C2CD2: variants seen among roughly 807,000 people sequenced by gnomAD.
C2CD2 encodes the protein C2 calcium dependent domain containing 2.
Under a neutral mutation model 74.3 loss-of-function variants are expected in C2CD2, and 43 were observed. The observed-to-expected ratio is 0.58, with a 90% CI of 0.45 to 0.75. The LOEUF (loss-of-function observed/expected upper bound fraction) is 0.75. Ranked by LOEUF, C2CD2 falls within the 30% of genes least tolerant of loss-of-function variation. The pLI, the probability that C2CD2 is intolerant of heterozygous loss-of-function variation, is 0.00. For missense variants in C2CD2, 801 were observed against 916.3 expected, an observed-to-expected ratio of 0.87 and a Z score of 1.63; for synonymous variants, 422 against 390.7, an observed-to-expected ratio of 1.08 and a Z score of -0.94.
intron 10 of C2CD2, 27 bp from the exon 11 acceptor site, chr21:41,905,864 A>G (rs384749): frequency 0.12 from 153,849 of 1,301,534 alleles, 16,161 homozygotes; most frequent in African/African-American, 0.49. Flanking sequence ...CTGATTACAA[A>G]AGCGGCCCCG....
chr21:41,925,004 A>C (rs1601588342), intron 2 of C2CD2, among the ~76,000 whole-genome samples: 1 of 152,302 alleles, frequency 6.6e-6, no homozygotes, highest in African/African-American at 2.4e-5. Flanking sequence ...TAATCACTGA[A>C]GCCCCATCAC....
At chr21:41,902,282 T>C (rs1027336215) in intron 11 of C2CD2, among the ~76,000 whole-genome samples, 13 of 152,128 alleles carry the variant, frequency 8.5e-5, no homozygotes, top group Admixed American at 5.2e-4. Context: ...CCTAAATACA[T>C]AGAATAGTAA....
At chr21:41,909,805 G>A (rs2065005641) in intron 7 of C2CD2, among the ~76,000 whole-genome samples, 2 of 152,124 alleles carry the variant, frequency 1.3e-5, no homozygotes, top group Non-Finnish European at 2.9e-5. Flanking sequence ...CGGAGCACTG[G>A]AGAGGTGGCC....
At position 41,914,641 on chromosome 21, in the gene C2CD2, C is replaced by T. The variant is rs769016978; in HGVS notation, c.801G>A (p.Val267=). 1.9e-6 allele frequency: 3 copies of T among 1,613,992 alleles called. No individual in the cohort carries two copies. Among genetic ancestry groups the T allele is most frequent in the Non-Finnish European group, 2.5e-6 (3 of 1,179,886 alleles). The part of the protein sequence containing the change: ...PPRAHELKLL[V]RNIHVLLLSE... ...TGAGCAGCAAGACGTGGATGTTCCT[C>T]ACCAGTAGCTTCAGCTCGTGAGCCC... is the stretch of plus-strand genomic sequence containing the variant. The change falls in exon 6 of 14, where the codon GTG becomes GTA. Residue 267 remains valine, a synonymous_variant. Coordinates refer to ENST00000380486, the MANE Select transcript of C2CD2 (RefSeq NM_015500.2).
At chr21:41,901,175 G>A (rs1405748005) in intron 12 of C2CD2, 2 of 261,148 alleles carry the variant, frequency 7.7e-6, no homozygotes, top group Non-Finnish European at 7.5e-6. Context: ...GGTGTCCACG[G>A]GGGACACTAC....
chr21:41,947,218 C>T (rs897203534), intron 1 of C2CD2, among the ~76,000 whole-genome samples: 1 of 142,932 alleles, frequency 7.0e-6, no homozygotes, highest in South Asian at 2.4e-4. Context: ...AGTGCAATGG[C>T]GCGATCTCGG....
intron 2 of C2CD2, among the ~76,000 whole-genome samples, chr21:41,941,452 T>C (rs1015896157): frequency 2.6e-5 from 4 of 152,242 alleles, no homozygotes; most frequent in African/African-American, 9.6e-5. Flanking sequence ...ACCAGTCTAG[T>C]AAGTGGAGCA....
intron 1 of C2CD2, among the ~76,000 whole-genome samples, chr21:41,952,752 C>T: frequency 6.6e-6 from 1 of 152,236 alleles, no homozygotes; most frequent in East Asian, 1.9e-4. Flanking sequence ...ACTGGGCAGG[C>T]TGCTTGCCCT....
Position 41,899,890 on chromosome 21 carries a change from G to A in C2CD2, c.1561-528C>T, listed in dbSNP as rs1407589272. On this transcript the variant is annotated intron_variant, in intron 12 of 13. Coordinates refer to ENST00000380486, the MANE Select transcript of C2CD2 (RefSeq NM_015500.2). This position sits in a 1 kb window ranked among gnomAD's most constrained non-coding sequence, Gnocchi z 4.4. ...CGGGATAGCGCTTCCTTGGAGGGGG[G>A]AAAGTTTGGGGAGGAGGGCACGGGG... Among the ~76,000 whole-genome samples the A allele has an allele frequency of 6.7e-6, 1 of 150,200 alleles. No homozygotes were observed. Among genetic ancestry groups the A allele is most frequent in the Non-Finnish European group, 1.5e-5 (1 of 67,670 alleles).
rs537348641 is a variant in C2CD2, at chr21:41,928,333, A to G, written c.379-6248T>C. Among the ~76,000 whole-genome samples, 11 of 152,130 alleles carry G rather than the reference A, an allele frequency of 7.2e-5. No individual in the cohort carries two copies. The South Asian group carries it at 1.9e-3, about 26-fold the overall frequency. The stretch of plus-strand genomic sequence containing the variant: ...GCTGGCTCGGCCCAGAATTCCATAC[A>G]CCATCATCCAGACGAACAGGTGGCC... On this transcript the variant is annotated intron_variant, in intron 2 of 13. Coordinates refer to ENST00000380486, the MANE Select transcript of C2CD2 (RefSeq NM_015500.2).
At chr21:41,918,620 G>T (rs961053130) in intron 4 of C2CD2, among the ~76,000 whole-genome samples, 5 of 152,062 alleles carry the variant, frequency 3.3e-5, no homozygotes, top group Non-Finnish European at 7.4e-5. Flanking sequence ...GTGACTGCAG[G>T]TGCAGCTCAG....
At chr21:41,938,674 T>C (rs1016914896) in intron 2 of C2CD2, among the ~76,000 whole-genome samples, 1 of 152,198 alleles carries the variant, frequency 6.6e-6, no homozygotes, top group African/African-American at 2.4e-5. Flanking sequence ...ATCTGGCTTA[T>C]TTCACTGAAC....
At chr21:41,906,820 C>G (rs548762890) in intron 10 of C2CD2, among the ~76,000 whole-genome samples, 172 bp downstream of exon 10, 112 of 152,312 alleles carry the variant, frequency 7.4e-4, no homozygotes, top group Middle Eastern at 3.4e-3. Context: ...AACTGTCATC[C>G]GATAACAACA....
intron 1 of C2CD2, among the ~76,000 whole-genome samples, chr21:41,944,118 G>A (rs1212152111): frequency 1.3e-5 from 2 of 152,166 alleles, no homozygotes; most frequent in East Asian, 1.9e-4. Flanking sequence ...CTAAAGATAC[G>A]CTGTTGCCTT....
intron 3 of C2CD2, among the ~76,000 whole-genome samples, chr21:41,921,702 C>T (rs921313094): frequency 3.3e-5 from 5 of 152,198 alleles, no homozygotes; most frequent in African/African-American, 1.2e-4. Context: ...CAACAACACC[C>T]TGCCTCATTC....
chr21:41,902,352 A>G (rs2064909595), intron 11 of C2CD2, among the ~76,000 whole-genome samples: 1 of 152,184 alleles, frequency 6.6e-6, no homozygotes, highest in South Asian at 2.1e-4. Flanking sequence ...ATAACAACAC[A>G]CACCAGCCAA....
chr21:41,909,998 TA>T (rs4009689), intron 7 of C2CD2, among the ~76,000 whole-genome samples: 33,433 of 143,454 alleles, frequency 0.23, 4,333 homozygotes, highest in African/African-American at 0.35. Flanking sequence ...ACAAAGGCAT[TA>T]AAAAAAAAAA....
At chr21:41,914,077 A>AT in intron 6 of C2CD2, among the ~76,000 whole-genome samples, 1 of 152,094 alleles carries the variant, frequency 6.6e-6, no homozygotes, top group South Asian at 2.1e-4. Flanking sequence ...AAAATACAAA[A>AT]TAGCCAGGCG....
At chr21:41,953,052 G>C in intron 1 of C2CD2, 1 of 327,936 alleles carries the variant, frequency 3.0e-6, no homozygotes, top group Non-Finnish European at 5.5e-6. Flanking sequence ...ATTCGCCCCG[G>C]GACTCCAGGC....
Sources: allele counts gnomAD v4.1 joint callset (sites outside exome capture counted in the v4.1 genomes callset), GRCh38; gene constraint gnomAD v4.1.1; non-coding constraint Gnocchi (gnomAD v3.1); transcripts MANE v1.5; gene names NCBI Gene and HGNC (gene_info 2026-07-23, HGNC 2026-07-21).